The following TRPM3 variants were observed in gnomAD, a reference collection of about 807,000 sequenced individuals.
TRPM3 encodes the protein transient receptor potential cation channel subfamily M member 3, also known as long transient receptor potential channel 3.
Under a neutral mutation model 181.2 loss-of-function variants are expected in TRPM3, and 77 were observed. The observed-to-expected ratio is 0.42, with a 90% CI of 0.35 to 0.51. The LOEUF is 0.51. Among genes scored for constraint, TRPM3 ranks in the 20% least tolerant of loss-of-function variants. The probability of loss-of-function intolerance (pLI) is 0.01; values close to 1 mark genes in which losing one functional copy is unlikely to be tolerated. For synonymous variants in TRPM3, 745 were observed against 796.4 expected, an observed-to-expected ratio of 0.94 and a Z score of 1.09; for missense variants, 1,759 against 2,196.7, an observed-to-expected ratio of 0.80 and a Z score of 3.98.
chr9:71,364,758 A>G (rs1209908754), intron 1 of TRPM3, among the ~76,000 whole-genome samples: 1 of 152,200 alleles, frequency 6.6e-6, no homozygotes, highest in African/African-American at 2.4e-5. Flanking sequence ...CATTCTGGGA[A>G]GTGACCCAGG....
In TRPM3 at chr9:71,421,717, C is replaced by T. The variant is rs553975163; in HGVS notation, c.183+24936G>A. 4.6e-5 allele frequency among the ~76,000 whole-genome samples: 7 copies of T among 152,160 alleles called. No individual in the cohort carries two copies. The East Asian group carries it at 1.4e-3, about 29-fold the overall frequency. ...CTAGGCCATAAGGTACAGCCTATTG[C>T]TCCTAGGCTACAGACCTGTACATCA... On this transcript the variant is annotated intron_variant, in intron 1 of 24. Transcript: ENST00000357533.
chr9:71,280,112 C>T (rs2084584906), intron 1 of TRPM3, among the ~76,000 whole-genome samples: 1 of 150,210 alleles, frequency 6.7e-6, no homozygotes, highest in Non-Finnish European at 1.5e-5. Context: ...GTATAAGGTT[C>T]TCCCCTTTTA....
chr9:71,134,002 T>C (rs867304995), intron 1 of TRPM3, among the ~76,000 whole-genome samples: 114 of 86,282 alleles, frequency 1.3e-3, no homozygotes, highest in African/African-American at 2.2e-3. Context: ...TGTGTGTGTG[T>C]GTGTGTGTGT....
intron 9 of TRPM3, among the ~76,000 whole-genome samples, chr9:70,659,939 T>C (rs62545557): frequency 1.5e-3 from 234 of 152,330 alleles, no homozygotes; most frequent in Non-Finnish European, 2.9e-3. Context: ...GTGGCCTATA[T>C]TGATTTTCCA....
intron 1 of TRPM3, among the ~76,000 whole-genome samples, chr9:71,434,273 TC>T (rs1309521328): frequency 2.0e-5 from 3 of 152,160 alleles, no homozygotes; most frequent in Admixed American, 2.0e-4. Context: ...GGAGGTGGGG[TC>T]TTTGGGAGAT....
intron 1 of TRPM3, among the ~76,000 whole-genome samples, chr9:71,054,074 A>G (rs2060378029): frequency 6.6e-6 from 1 of 152,122 alleles, no homozygotes; most frequent in Non-Finnish European, 1.5e-5. Context: ...CACCATTGAT[A>G]TATGTATGCC....
intron 1 of TRPM3, among the ~76,000 whole-genome samples, chr9:71,228,680 C>A (rs1588052295): frequency 6.6e-6 from 1 of 152,006 alleles, no homozygotes; most frequent in South Asian, 2.1e-4. Flanking sequence ...CAATGGTGAA[C>A]AATCTGAAAG....
intron 1 of TRPM3, among the ~76,000 whole-genome samples, chr9:71,063,000 A>T (rs1381529069): frequency 6.6e-6 from 1 of 152,176 alleles, no homozygotes; most frequent in African/African-American, 2.4e-5. Flanking sequence ...ACACTCTTGC[A>T]TTCTCAGGAG....
At chr9:71,032,197 A>ATATATACTATATAT (rs1264091343) in intron 1 of TRPM3, among the ~76,000 whole-genome samples, 10 of 49,772 alleles carry the variant, frequency 2.0e-4, no homozygotes, top group South Asian at 6.9e-4. Context: ...ATATAATATA[A>ATATATACTATATAT]TATATAATAT....
At chr9:70,771,101 C>T (rs748360398) in intron 7 of TRPM3, among the ~76,000 whole-genome samples, 33 of 152,094 alleles carry the variant, frequency 2.2e-4, no homozygotes, top group Non-Finnish European at 1.9e-4. Context: ...GAAACCATTA[C>T]GCTCAGATAA....
chr9:70,608,750 G>C (rs1364955057), intron 19 of TRPM3, among the ~76,000 whole-genome samples: 1 of 152,142 alleles, frequency 6.6e-6, no homozygotes, highest in East Asian at 1.9e-4. Context: ...TGAGACATGA[G>C]ACTCACTTGA....
At chr9:70,993,716 G>C (rs139229190) in intron 1 of TRPM3, among the ~76,000 whole-genome samples, 2 of 144,046 alleles carry the variant, frequency 1.4e-5, no homozygotes, top group South Asian at 2.2e-4. Flanking sequence ...GAAAGAAAGC[G>C]CTCCACTGCA....
intron 1 of TRPM3, among the ~76,000 whole-genome samples, chr9:70,905,318 A>G (rs1392492327): frequency 6.6e-6 from 1 of 152,236 alleles, no homozygotes; most frequent in East Asian, 1.9e-4. Flanking sequence ...GTGCTGCAGT[A>G]AAGAAAGCTG....
intron 1 of TRPM3, among the ~76,000 whole-genome samples, chr9:70,881,967 T>A (rs1226177369): frequency 6.6e-6 from 1 of 152,202 alleles, no homozygotes; most frequent in African/African-American, 2.4e-5. Flanking sequence ...GAATGAATTA[T>A]CTTAAACAAT....
At position 70,535,326 on chromosome 9, in the gene TRPM3, G is replaced by T; in HGVS notation, c.*627C>A. The T allele has an allele frequency of 1.5e-6, 2 of 1,307,812 alleles. No individual in the cohort carries two copies. The highest frequency in any genetic ancestry group is 2.1e-6 in the Non-Finnish European group (2 of 932,500). The allele number at this position is 1,307,812 out of a possible 1,614,324, so 81.0% of individuals were successfully genotyped here. On this transcript the variant is annotated 3_prime_UTR_variant, in exon 26 of 26. Coordinates refer to ENST00000677713, the MANE Select transcript of TRPM3 (RefSeq NM_001366145.2). ...CCAGAAGTGAATAGATAAGAGACAG[G>T]TGAACTATGACTGTTACCTTGTTTT...
At chr9:71,325,976 A>C (rs1441499771) in intron 1 of TRPM3, among the ~76,000 whole-genome samples, 1 of 152,250 alleles carries the variant, frequency 6.6e-6, no homozygotes, top group African/African-American at 2.4e-5. Flanking sequence ...TGTTTCTGCT[A>C]CAACAGAAGT....
At chr9:71,285,832 C>T (rs556051774) in intron 1 of TRPM3, among the ~76,000 whole-genome samples, 2 of 152,262 alleles carry the variant, frequency 1.3e-5, no homozygotes, top group Non-Finnish European at 2.9e-5. Context: ...CACCTAGACT[C>T]CCCTTGACCA....
chr9:70,896,135 A>G (rs941077918), intron 1 of TRPM3, among the ~76,000 whole-genome samples: 1 of 152,208 alleles, frequency 6.6e-6, no homozygotes, highest in African/African-American at 2.4e-5. Flanking sequence ...GAAAAAACAT[A>G]GAAACCAGAA....
intron 1 of TRPM3, among the ~76,000 whole-genome samples, chr9:71,278,138 A>G (rs1249840103): frequency 6.6e-6 from 1 of 152,092 alleles, no homozygotes; most frequent in Non-Finnish European, 1.5e-5. Flanking sequence ...ATCCTGATCA[A>G]TTAGTACAAT....
Sources: allele counts gnomAD v4.1 joint callset (sites outside exome capture counted in the v4.1 genomes callset), GRCh38; gene constraint gnomAD v4.1.1; transcripts MANE v1.5; gene names NCBI Gene and HGNC (gene_info 2026-07-23, HGNC 2026-07-21).